ARHGAP15: variants seen among roughly 807,000 people sequenced by gnomAD.
The protein encoded by ARHGAP15 is rho GTPase-activating protein 15.
Under a neutral mutation model 63.7 loss-of-function variants are expected in ARHGAP15, and 51 were observed. The ratio of observed to expected loss-of-function variants is 0.80; its 90% CI spans 0.64 to 1.01. The LOEUF (loss-of-function observed/expected upper bound fraction) is 1.01, where lower values mean the gene tolerates loss of function less well. ARHGAP15 is among the 50% of genes least tolerant of loss of function. ARHGAP15 has a pLI of 0.00. For missense variants in ARHGAP15, 560 were observed against 564.6 expected, an observed-to-expected ratio of 0.99 and a Z score of 0.08; for synonymous variants, 191 against 193.8, an observed-to-expected ratio of 0.99 and a Z score of 0.12.
chr2:143,372,893 T>G (rs1469573794), intron 6 of ARHGAP15, among the ~76,000 whole-genome samples: 1 of 151,860 alleles, frequency 6.6e-6, no homozygotes, highest in East Asian at 1.9e-4. Flanking sequence ...CTCATTTCAC[T>G]GATGAGTAGT....
intron 11 of ARHGAP15, among the ~76,000 whole-genome samples, chr2:143,610,459 A>C (rs1442596983): frequency 1.3e-5 from 2 of 152,194 alleles, no homozygotes; most frequent in African/African-American, 2.4e-5. Context: ...TATAAATCTG[A>C]TGGGTCATCT....
At chr2:143,360,046 T>C (rs2105333039) in intron 6 of ARHGAP15, among the ~76,000 whole-genome samples, 1 of 152,096 alleles carries the variant, frequency 6.6e-6, no homozygotes, top group Admixed American at 6.5e-5. Flanking sequence ...AGTGAGAAAA[T>C]TTCAATGGTT....
chr2:143,252,566 CAA>C (rs1680210789), intron 6 of ARHGAP15, among the ~76,000 whole-genome samples: 1 of 151,772 alleles, frequency 6.6e-6, no homozygotes, highest in African/African-American at 2.4e-5. Context: ...TTTAGAGAAA[CAA>C]GAGGTGATCA....
intron 9 of ARHGAP15, among the ~76,000 whole-genome samples, chr2:143,491,400 C>T (rs2105235832): frequency 1.3e-5 from 2 of 152,194 alleles, no homozygotes; most frequent in Middle Eastern, 6.8e-3. Flanking sequence ...TTTTTAGGAG[C>T]AATTAGTATG....
In ARHGAP15 at chr2:143,625,465, TTGC is replaced by T. The variant is rs141782073; in HGVS notation, c.1138+1222_1138+1224del. ...ACAATTTCAGATTTTGTTGTTGCTA[TTGC>T]TGCTGCTGCTGCTGCTGCTGCTGTT... On this transcript the variant is annotated intron_variant, in intron 12 of 13. Transcript: ENST00000295095. Among the ~76,000 whole-genome samples, 265 of 151,418 alleles carry T rather than the reference TTGC, an allele frequency of 1.8e-3. 3 individuals are homozygous for T. Among genetic ancestry groups the T allele is most frequent in the East Asian group, 1.7e-3 (9 of 5,160 alleles).
At chr2:143,536,835 C>T (rs1326908120) in intron 10 of ARHGAP15, among the ~76,000 whole-genome samples, 2 of 151,826 alleles carry the variant, frequency 1.3e-5, no homozygotes, top group African/African-American at 2.4e-5. Context: ...AATAAACATA[C>T]GTGTGCATGT....
chr2:143,347,065 AG>A (rs1685334028), intron 6 of ARHGAP15, among the ~76,000 whole-genome samples: 1 of 152,138 alleles, frequency 6.6e-6, no homozygotes, highest in Non-Finnish European at 1.5e-5. Context: ...GGAACTGGTA[AG>A]AATTCACTTA....
chr2:143,211,633 G>T (rs1396597976), intron 3 of ARHGAP15, among the ~76,000 whole-genome samples: 5 of 152,160 alleles, frequency 3.3e-5, no homozygotes. Context: ...AGGTCAGTCA[G>T]TCACACAGAA....
chr2:143,365,139 A>G (rs1450451999), intron 6 of ARHGAP15, among the ~76,000 whole-genome samples: 1 of 152,220 alleles, frequency 6.6e-6, no homozygotes, highest in Non-Finnish European at 1.5e-5. Flanking sequence ...GAAATGTTCT[A>G]AAGTTCTCTG....
At chr2:143,215,980 C>G (rs887815345) in intron 3 of ARHGAP15, among the ~76,000 whole-genome samples, 9 of 152,172 alleles carry the variant, frequency 5.9e-5, no homozygotes, top group African/African-American at 1.9e-4. Context: ...TTGAAGTCTT[C>G]CTTTATCCCG....
Position 143,450,560 on chromosome 2 carries a change from T to C in ARHGAP15, c.703+13518T>C, listed in dbSNP as rs117172468. 1.7e-3 allele frequency among the ~76,000 whole-genome samples: 253 copies of C among 152,090 alleles called. 2 individuals carry two copies. The East Asian group carries it at 0.035, about 21-fold the overall frequency. On this transcript the variant is annotated intron_variant, in intron 8 of 13. Transcript: ENST00000295095. ...TAGAAGTTACCCTTTCCAGCTTGAA[T>C]AGTTTTAATTCTTTAACACAGTTTG...
chr2:143,676,360 A>G (rs1223925823), intron 12 of ARHGAP15: 3 of 152,200 alleles, frequency 2.0e-5, no homozygotes, highest in Admixed American at 6.5e-5. Flanking sequence ...TCTCCTTTGC[A>G]TTCACAACTT....
intron 6 of ARHGAP15, among the ~76,000 whole-genome samples, chr2:143,332,813 A>T (rs1165440680): frequency 6.6e-6 from 1 of 152,084 alleles, no homozygotes; most frequent in Non-Finnish European, 1.5e-5. Context: ...TCTCTACCCA[A>T]ACTTCAGGCA....
At chr2:143,299,212 A>G (rs1558875166) in intron 6 of ARHGAP15, among the ~76,000 whole-genome samples, 1 of 152,012 alleles carries the variant, frequency 6.6e-6, no homozygotes, top group Non-Finnish European at 1.5e-5. Context: ...ATACTTGAAC[A>G]AATACACACT....
At chr2:143,232,349 ACT>A (rs1461963738) in intron 5 of ARHGAP15, among the ~76,000 whole-genome samples, 1 of 151,850 alleles carries the variant, frequency 6.6e-6, no homozygotes, top group Non-Finnish European at 1.5e-5. Flanking sequence ...TGCCTAACAT[ACT>A]CTCTCTTTTG....
chr2:143,325,454 T>A (rs1455774062), intron 6 of ARHGAP15, among the ~76,000 whole-genome samples: 1 of 152,166 alleles, frequency 6.6e-6, no homozygotes, highest in Non-Finnish European at 1.5e-5. Context: ...GGAAAATGAT[T>A]AAGTATATTG....
chr2:143,171,307 G>A (rs1272967005), intron 2 of ARHGAP15, among the ~76,000 whole-genome samples: 1 of 152,102 alleles, frequency 6.6e-6, no homozygotes, highest in African/African-American at 2.4e-5. Context: ...AAGCATCCCT[G>A]TGCTACACAG....
chr2:143,713,515 C>A (rs1684676065), intron 13 of ARHGAP15, among the ~76,000 whole-genome samples: 1 of 152,144 alleles, frequency 6.6e-6, no homozygotes, highest in South Asian at 2.1e-4. Context: ...ACCAATCATG[C>A]CTTCCCAACA....
intron 6 of ARHGAP15, among the ~76,000 whole-genome samples, chr2:143,329,602 C>G (rs909325726): frequency 6.6e-6 from 1 of 152,068 alleles, no homozygotes; most frequent in Non-Finnish European, 1.5e-5. Context: ...GACTTCTAAC[C>G]CATGGAAACT....
Sources: allele counts gnomAD v4.1 joint callset (sites outside exome capture counted in the v4.1 genomes callset), GRCh38; gene constraint gnomAD v4.1.1; transcripts MANE v1.5; gene names NCBI Gene and HGNC (gene_info 2026-07-23, HGNC 2026-07-21).